IMMT: variants seen among roughly 807,000 people sequenced by gnomAD.
The protein encoded by IMMT is inner membrane mitochondrial protein.
Under a neutral mutation model 92.7 loss-of-function variants are expected in IMMT, and 40 were observed. The observed-to-expected ratio is 0.43, with a 90% confidence interval of 0.34 to 0.56. IMMT has a LOEUF of 0.56. IMMT is among the 20% of genes least tolerant of loss of function. The pLI is 0.03. For missense variants in IMMT, 831 were observed against 912.1 expected (o/e 0.91, Z 1.14); for synonymous variants, 322 against 336.1 (o/e 0.96, Z 0.46).
chr2:86,147,647 G>A, intron 13 of IMMT, 55 bp downstream of exon 13: 1 of 1,531,852 alleles, frequency 6.5e-7, no homozygotes, highest in Non-Finnish European at 8.8e-7. Context: ...GGAAAGGAGA[G>A]TCTCTTAATC....
intron 10 of IMMT, among the ~76,000 whole-genome samples, chr2:86,154,875 T>C (rs568377700): frequency 1.3e-5 from 2 of 152,166 alleles, no homozygotes; most frequent in East Asian, 3.9e-4. Flanking sequence ...GAACGTCCTT[T>C]TTTTTTTTGA....
chr2:86,161,766 G>A (rs11685551), intron 8 of IMMT, among the ~76,000 whole-genome samples: 42,239 of 151,774 alleles, frequency 0.28, 7,118 homozygotes, highest in East Asian at 0.5. Flanking sequence ...TGTCCGCCTC[G>A]GCCTCCCAAA....
At chr2:86,167,415 C>T (rs1184894267) in intron 6 of IMMT, among the ~76,000 whole-genome samples, 1 of 151,406 alleles carries the variant, frequency 6.6e-6, no homozygotes, top group Admixed American at 6.6e-5. Context: ...CCCCATGATC[C>T]GCCCACCCTG....
intron 3 of IMMT, among the ~76,000 whole-genome samples, chr2:86,177,197 G>A (rs755596906): frequency 2.7e-5 from 4 of 150,878 alleles, no homozygotes; most frequent in Admixed American, 6.6e-5. Flanking sequence ...GCCTCCTAGC[G>A]TAAAGAAATG....
intron 11 of IMMT, among the ~76,000 whole-genome samples, chr2:86,152,440 CAAA>C (rs772186185): frequency 1.3e-5 from 1 of 76,854 alleles, no homozygotes; most frequent in Non-Finnish European, 2.4e-5. Context: ...GACTCCATCT[CAAA>C]AAAAAAAAAA....
intron 10 of IMMT, among the ~76,000 whole-genome samples, chr2:86,156,453 G>C (rs1213901844): frequency 6.6e-6 from 1 of 151,956 alleles, no homozygotes; most frequent in African/African-American, 2.4e-5. Flanking sequence ...AATTAGCTGG[G>C]TGTGGTGGCA....
At chr2:86,154,932 G>A (rs764608166) in intron 10 of IMMT, among the ~76,000 whole-genome samples, 15 of 151,904 alleles carry the variant, frequency 9.9e-5, no homozygotes, top group African/African-American at 2.4e-4. Flanking sequence ...GCACGATCTC[G>A]GCTCACTGTA....
At position 86,144,562 on chromosome 2, in the gene IMMT, G is replaced by A; in HGVS notation, c.1983C>T (p.Ser661=). 1.2e-6 allele frequency: 2 copies of A among 1,614,040 alleles called. No homozygotes were observed. The highest frequency in any genetic ancestry group is 1.7e-6 in the Non-Finnish European group (2 of 1,179,896). The change falls in exon 15 of 15, where the codon TCC becomes TCT. Residue 661 remains serine (S), a synonymous_variant. Transcript: ENST00000410111. ...GGAATAGGAGCAGGGACTGTAGGTA[G>A]GAGAGGAAGTACTGGTACAAGCTAT... is the stretch of plus-strand genomic sequence containing the variant. ...TRNSLYQYFL[S]YLQSLLLFPP...
At chr2:86,176,611 T>C (rs1191128538) in intron 3 of IMMT, among the ~76,000 whole-genome samples, 2 of 152,230 alleles carry the variant, frequency 1.3e-5, no homozygotes, top group African/African-American at 4.8e-5. Context: ...GACAACTTGG[T>C]ACTATCTTTA....
At position 86,159,598 on chromosome 2, in the gene IMMT, T is replaced by C. The variant is rs1676120904; in HGVS notation, c.970A>G (p.Ile324Val). 6.2e-7 allele frequency: 1 copy of C among 1,602,962 alleles called. No homozygotes were observed. The highest frequency in any genetic ancestry group is 8.5e-7 in the Non-Finnish European group (1 of 1,175,888). ...KKEVAGAKPH[I>V]TAAEGKLHNM... ...TGAAGTTTACCCTCTGCAGCAGTTATATGAGGCTTGGCCCCAGCAACCTCT... is the reference window on the plus strand; with the variant it reads ...TGAAGTTTACCCTCTGCAGCAGTTACATGAGGCTTGGCCCCAGCAACCTCT... The change falls in exon 9 of 15, where the codon ATA becomes GTA. Residue 324 changes from isoleucine (I) to valine (V), a missense_variant. By Grantham distance (29) the Ile-to-Val change is conservative (BLOSUM62 3). Transcript: ENST00000410111.
chr2:86,184,403 T>C (rs1277834949), intron 1 of IMMT, among the ~76,000 whole-genome samples: 4 of 152,146 alleles, frequency 2.6e-5, no homozygotes, highest in African/African-American at 7.2e-5. Context: ...TTTGAACTCA[T>C]GGCCTCAAGC....
chr2:86,177,100 T>C (rs1677479939), intron 3 of IMMT, among the ~76,000 whole-genome samples: 1 of 152,182 alleles, frequency 6.6e-6, no homozygotes, highest in African/African-American at 2.4e-5. Context: ...ACGTTAACTT[T>C]TGCTATAGGA....
chr2:86,191,747 C>CAAAAAA (rs572412565), intron 1 of IMMT, among the ~76,000 whole-genome samples: 3 of 116,870 alleles, frequency 2.6e-5, no homozygotes, highest in South Asian at 2.9e-4. Flanking sequence ...ACTAAAAATA[C>CAAAAAA]AAAAAAAAAA....
intron 10 of IMMT, among the ~76,000 whole-genome samples, chr2:86,155,293 T>C (rs1156355624): frequency 6.6e-6 from 1 of 152,124 alleles, no homozygotes; most frequent in Admixed American, 6.6e-5. Flanking sequence ...AAAATAAAAT[T>C]TCCTCCTTAT....
intron 4 of IMMT, among the ~76,000 whole-genome samples, chr2:86,172,530 G>C (rs909892208): frequency 2.0e-5 from 3 of 151,864 alleles, no homozygotes; most frequent in Admixed American, 2.0e-4. Flanking sequence ...ACAGGATCTT[G>C]CTAAGTTGCC....
chr2:86,188,509 G>A (rs920256945), intron 1 of IMMT, among the ~76,000 whole-genome samples: 3 of 151,388 alleles, frequency 2.0e-5, no homozygotes, highest in Non-Finnish European at 4.4e-5. Context: ...CTGCAGCCTC[G>A]ACCTCACAGG....
chr2:86,151,210 A>AC, intron 12 of IMMT, 87 bp downstream of exon 12: 1 of 1,159,974 alleles, frequency 8.6e-7, no homozygotes, highest in Non-Finnish European at 1.2e-6. Context: ...GAACCACTGC[A>AC]CCCGGCTGAG....
At chr2:86,146,258 T>C in intron 13 of IMMT, 61 bp from the exon 14 acceptor site, 1 of 1,458,982 alleles carries the variant, frequency 6.9e-7, no homozygotes, top group Non-Finnish European at 9.4e-7. Flanking sequence ...CATGTAACTG[T>C]GTAATCTTCC....
intron 6 of IMMT, among the ~76,000 whole-genome samples, chr2:86,168,538 G>T (rs1032905915): frequency 2.6e-5 from 4 of 152,102 alleles, no homozygotes; most frequent in Admixed American, 6.6e-5. Context: ...CAGGAAAATC[G>T]CTTGAACCTG....
Sources: gnomAD v4.1 joint callset for allele counts (sites outside exome capture counted in the v4.1 genomes callset) on GRCh38, gnomAD v4.1.1 for gene constraint, MANE v1.5 for transcripts, NCBI Gene and HGNC (gene_info 2026-07-23, HGNC 2026-07-21) for gene names.